INSYN2A: variants seen among roughly 807,000 people sequenced by gnomAD.
INSYN2A encodes family with sequence similarity 196 member A.
Under a neutral mutation model 39.4 loss-of-function variants are expected in INSYN2A, and 17 were observed. That is an observed-to-expected ratio of 0.43 (90% CI 0.30 to 0.65). The LOEUF is 0.65. Ranked by LOEUF, INSYN2A falls within the 30% of genes least tolerant of loss-of-function variation. The pLI, the probability that INSYN2A is intolerant of heterozygous loss-of-function variation, is 0.14. For synonymous variants in INSYN2A, 255 were observed against 265.7 expected (o/e 0.96, Z 0.39); for missense variants, 595 against 631.2 (o/e 0.94, Z 0.61).
At chr10:127,145,347 CAT>C (rs2051708691) in intron 5 of INSYN2A, among the ~76,000 whole-genome samples, 3 of 152,318 alleles carry the variant, frequency 2.0e-5, no homozygotes, top group African/African-American at 7.2e-5. Context: ...GTCTATGAAG[CAT>C]ATCTTATGCC....
rs1255376148 is a variant in INSYN2A at position 127,137,789 on chromosome 10, C to T, written c.*48G>A. 4 of 1,538,354 alleles carry T rather than the reference C, an allele frequency of 2.6e-6. No individual in the cohort carries two copies. The highest frequency in any genetic ancestry group is 1.4e-5 in the African/African-American group (1 of 72,024). On this transcript the variant is annotated 3_prime_UTR_variant, in exon 6 of 6. Transcript: ENST00000522781. ...CATTTTGGAAAAGTATTGACTTAAA[C>T]TCCAGTGGGTTCTAAAGACGGCCTC...
At chr10:127,145,774 C>G (rs2051762234) in intron 5 of INSYN2A, 1 of 290,704 alleles carries the variant, frequency 3.4e-6, no homozygotes, top group African/African-American at 2.3e-5. Flanking sequence ...CAGGAGCTCC[C>G]ACTCCATCCT....
chr10:127,167,113 G>T (rs1038721901), intron 4 of INSYN2A, among the ~76,000 whole-genome samples: 1 of 151,918 alleles, frequency 6.6e-6, no homozygotes, highest in Admixed American at 6.6e-5. Context: ...TATTTTTTAA[G>T]AACTTAAAAG....
At chr10:127,190,664 T>TC (rs1491352928) in intron 2 of INSYN2A, among the ~76,000 whole-genome samples, 2 of 15,260 alleles carry the variant, frequency 1.3e-4, no homozygotes, top group African/African-American at 4.0e-4. Flanking sequence ...AAATCCTATC[T>TC]TCCCCCCCCC....
At chr10:127,177,895 T>C (rs1298904010) in intron 2 of INSYN2A, among the ~76,000 whole-genome samples, 1 of 152,190 alleles carries the variant, frequency 6.6e-6, no homozygotes, top group Admixed American at 6.5e-5. Flanking sequence ...GGTTCAGAGA[T>C]GTTGCGTCAT....
At chr10:127,141,549 A>G (rs1020205313) in intron 5 of INSYN2A, among the ~76,000 whole-genome samples, 19 of 152,164 alleles carry the variant, frequency 1.2e-4, no homozygotes, top group Non-Finnish European at 2.6e-4. Flanking sequence ...CTAAAAATAT[A>G]AAGTTTAGCT....
At chr10:127,186,908 TA>T (rs2134040365) in intron 2 of INSYN2A, among the ~76,000 whole-genome samples, 1 of 152,194 alleles carries the variant, frequency 6.6e-6, no homozygotes, top group South Asian at 2.1e-4. Flanking sequence ...TGCTGGAACA[TA>T]AGTCCAGGTC....
intron 5 of INSYN2A, among the ~76,000 whole-genome samples, chr10:127,150,660 T>C (rs181958998): frequency 2.0e-5 from 3 of 152,370 alleles, no homozygotes; most frequent in Non-Finnish European, 2.9e-5. Flanking sequence ...GTACTCACTA[T>C]TGAAATGATG....
At chr10:127,148,294 G>C (rs558223358) in intron 5 of INSYN2A, among the ~76,000 whole-genome samples, 2 of 152,178 alleles carry the variant, frequency 1.3e-5, no homozygotes, top group Non-Finnish European at 2.9e-5. Flanking sequence ...CAGACACAGC[G>C]TGCTCCGGGA....
intron 1 of INSYN2A, among the ~76,000 whole-genome samples, chr10:127,194,234 A>G (rs1313477023): frequency 1.3e-5 from 2 of 152,254 alleles, no homozygotes; most frequent in Non-Finnish European, 2.9e-5. Context: ...GCTGTGCTAG[A>G]CTTTTTCTTT....
At chr10:127,177,788 G>C (rs768018374) in intron 2 of INSYN2A, among the ~76,000 whole-genome samples, 1 of 152,242 alleles carries the variant, frequency 6.6e-6, no homozygotes, top group African/African-American at 2.4e-5. Flanking sequence ...GAGGTGGTTC[G>C]AGTGCCAGAT....
intron 4 of INSYN2A, among the ~76,000 whole-genome samples, chr10:127,156,559 C>CTTTTTTTT (rs1554898875): frequency 3.3e-5 from 2 of 60,180 alleles, no homozygotes; most frequent in Admixed American, 1.6e-4. Context: ...TCTTCTTCTT[C>CTTTTTTTT]TTCTTTTTTT....
chr10:127,186,509 CCCCCCG>C lies in INSYN2A; in HGVS notation c.-269+6090_-269+6095del, dbSNP rs1024200395. ...ATGATAACAGCATGGGAGAAACCGCCCCCCCGCCCCCCCCCGATCCAGTTACCTCCA... is the reference window on the plus strand; with the variant it reads ...ATGATAACAGCATGGGAGAAACCGCCCCCCCCCCCGATCCAGTTACCTCCA... On this transcript the variant is annotated intron_variant, in intron 2 of 5. Coordinates refer to ENST00000522781, the MANE Select transcript of INSYN2A (RefSeq NM_001039762.3). 5.8e-3 allele frequency among the ~76,000 whole-genome samples: 135 copies of C among 23,444 alleles called. 33 individuals are homozygous for C. Among genetic ancestry groups the C allele is most frequent in the Non-Finnish European group, 0.024 (94 of 3,948 alleles). 15.4% of individuals were successfully genotyped at this position (23,444 alleles called of 152,430 possible).
intron 4 of INSYN2A, among the ~76,000 whole-genome samples, chr10:127,157,701 G>GT (rs1221787966): frequency 3.3e-5 from 5 of 152,174 alleles, no homozygotes. Flanking sequence ...TGGTCTGTCA[G>GT]TTTCTAAATA....
intron 4 of INSYN2A, among the ~76,000 whole-genome samples, chr10:127,168,875 G>A (rs12573412): frequency 0.3 from 45,739 of 152,002 alleles, 7,154 homozygotes; most frequent in African/African-American, 0.36. Context: ...AACTTAAATA[G>A]TCCCCTTATG....
At chr10:127,178,795 AG>A (rs2055434465) in intron 2 of INSYN2A, among the ~76,000 whole-genome samples, 1 of 152,204 alleles carries the variant, frequency 6.6e-6, no homozygotes, top group Non-Finnish European at 1.5e-5. Flanking sequence ...GATAGGTGGA[AG>A]GAGGGACAAG....
intron 5 of INSYN2A, among the ~76,000 whole-genome samples, chr10:127,143,737 T>C (rs564986709): frequency 6.6e-6 from 1 of 152,278 alleles, no homozygotes; most frequent in African/African-American, 2.4e-5. Flanking sequence ...GCTCTCCCCC[T>C]TGCATGGGAG....
intron 2 of INSYN2A, among the ~76,000 whole-genome samples, chr10:127,187,622 A>T (rs893789784): frequency 3.3e-5 from 5 of 152,098 alleles, no homozygotes; most frequent in African/African-American, 1.2e-4. Flanking sequence ...GGAAGGAGGT[A>T]AACAAGCATT....
chr10:127,195,245 C>T (rs1427666946), intron 1 of INSYN2A, among the ~76,000 whole-genome samples: 2 of 152,178 alleles, frequency 1.3e-5, no homozygotes, highest in African/African-American at 2.4e-5. Context: ...GCTGCCCCGA[C>T]CCCGGGCTGC....
Sources: gnomAD v4.1 joint callset for allele counts (sites outside exome capture counted in the v4.1 genomes callset) on GRCh38, gnomAD v4.1.1 for gene constraint, MANE v1.5 for transcripts, NCBI Gene and HGNC (gene_info 2026-07-23, HGNC 2026-07-21) for gene names.